The following SYCP2L variants were observed in gnomAD, a reference collection of about 807,000 sequenced individuals.
SYCP2L encodes the protein synaptonemal complex protein 2-like.
A neutral mutation model predicts 125.8 loss-of-function variants in SYCP2L; 98 were observed. The ratio of observed to expected loss-of-function variants is 0.78; its 90% CI spans 0.66 to 0.92. The LOEUF (loss-of-function observed/expected upper bound fraction) is 0.92. SYCP2L is among the 40% of genes least tolerant of loss of function. The pLI is 0.00. For missense variants in SYCP2L, 842 were observed against 936.4 expected (o/e 0.90, Z 1.32); for synonymous variants, 317 against 325.4 (o/e 0.97, Z 0.28).
Position 10,902,859 on chromosome 6 carries a change from TCTC to T in SYCP2L, c.553-15_553-13del. The T allele has an allele frequency of 6.2e-7, 1 of 1,613,846 alleles. No homozygotes were observed. Among genetic ancestry groups the T allele is most frequent in the Non-Finnish European group, 8.5e-7 (1 of 1,179,816 alleles). ...TTTTCTTTCTTCTCCATGAATGTCT[TCTC>T]AATTCCAAAAAGGGCTTGAAGACTT... On this transcript the variant is annotated splice_polypyrimidine_tract_variant and intron_variant, in intron 7 of 29. Transcript: ENST00000283141.
intron 23 of SYCP2L, among the ~76,000 whole-genome samples, chr6:10,947,256 C>T (rs1052745203): frequency 3.3e-5 from 5 of 151,924 alleles, no homozygotes; most frequent in African/African-American, 1.2e-4. Flanking sequence ...TCAAAGTTGA[C>T]TTTAGTTGTT....
chr6:10,956,848 A>G (rs979295984), intron 25 of SYCP2L, among the ~76,000 whole-genome samples: 48 of 152,064 alleles, frequency 3.2e-4, no homozygotes, highest in African/African-American at 1.2e-3. Flanking sequence ...TTTTTTAGAG[A>G]TAGGATCTTG....
intron 23 of SYCP2L, among the ~76,000 whole-genome samples, chr6:10,944,915 T>C (rs752676100): frequency 6.6e-6 from 1 of 152,168 alleles, no homozygotes; most frequent in Non-Finnish European, 1.5e-5. Flanking sequence ...GGTTTCGCCA[T>C]GTTGGCCAGG....
chr6:10,963,936 G>T, intron 29 of SYCP2L, 93 bp downstream of exon 29: 1 of 900,612 alleles, frequency 1.1e-6, no homozygotes, highest in Non-Finnish European at 1.7e-6. Context: ...TTGTTCATAT[G>T]ACATTTCTGC....
chr6:10,929,780 C>CAA (rs543540895), intron 18 of SYCP2L, among the ~76,000 whole-genome samples: 4 of 141,352 alleles, frequency 2.8e-5, no homozygotes, highest in East Asian at 2.0e-4. Flanking sequence ...AGTAAAAGTA[C>CAA]AAAAAAAAAA....
intron 14 of SYCP2L, among the ~76,000 whole-genome samples, chr6:10,914,180 G>A (rs1158515738): frequency 3.3e-5 from 5 of 152,060 alleles, no homozygotes; most frequent in Admixed American, 6.6e-5. Context: ...TCCTTCATCC[G>A]TCTTGAGTTG....
At chr6:10,900,279 C>T (rs1181088950) in intron 6 of SYCP2L, among the ~76,000 whole-genome samples, 3 of 151,642 alleles carry the variant, frequency 2.0e-5, no homozygotes, top group Non-Finnish European at 4.4e-5. Context: ...ACATGGTGGG[C>T]AGAGACCTGG....
In SYCP2L at chr6:10,927,324, A is replaced by G. The variant is rs1780914701; in HGVS notation, c.1397A>G (p.Gln466Arg). The stretch of plus-strand genomic sequence containing the variant: ...CTAATAACTCTCCACTTAAATGACC[A>G]ATCTGAGCCACCTGTTATTGGGGAA... ...RCLITLHLND[Q>R]SEPPVIGEPA... is the part of the protein sequence containing the mutation. Residue 466 changes from glutamine (Q) to arginine (R), a missense_variant, in exon 17 of 30, where the codon CAA (glutamine) becomes CGA (arginine). Coordinates refer to ENST00000283141, the MANE Select transcript of SYCP2L (RefSeq NM_001040274.3). The G allele has an allele frequency of 1.2e-6, 2 of 1,613,992 alleles. No individual in the cohort carries two copies. Among genetic ancestry groups the G allele is most frequent in the African/African-American group, 2.7e-5 (2 of 74,932 alleles).
chr6:10,887,070 C>G lies in SYCP2L; in HGVS notation c.-57C>G. 6.2e-7 allele frequency: 1 copy of G among 1,612,554 alleles called. No individual in the cohort carries two copies. The highest frequency in any genetic ancestry group is 8.5e-7 in the Non-Finnish European group (1 of 1,179,102). ...CTTGGGCGGGGAAGCAGGAGAGGGC[C>G]GACCGAGCGCAACAAAGCTGAGCGG... On this transcript the variant is annotated 5_prime_UTR_variant, in exon 1 of 30. Coordinates refer to ENST00000283141, the MANE Select transcript of SYCP2L (RefSeq NM_001040274.3).
Position 10,956,244 on chromosome 6 carries a change from TA to T in SYCP2L, c.2163+3del. ...AAAAAACGGAAAAGAAAATATGAGGTAGTAGTCCACAAAACTTAAAAAACTA... is the reference window on the plus strand; with the variant it reads ...AAAAAACGGAAAAGAAAATATGAGGTGTAGTCCACAAAACTTAAAAAACTA... On this transcript the variant is annotated splice_donor_region_variant and intron_variant, in intron 25 of 29. Transcript: ENST00000283141. The T allele has an allele frequency of 6.2e-7, 1 of 1,604,114 alleles. No homozygotes were observed. The highest frequency in any genetic ancestry group is 1.7e-4 in the Middle Eastern group (1 of 5,978).
chr6:10,918,524 G>A (rs1001650229), intron 14 of SYCP2L, among the ~76,000 whole-genome samples: 4 of 148,732 alleles, frequency 2.7e-5, no homozygotes, highest in African/African-American at 7.3e-5. Context: ...CCTTGTCTTC[G>A]GGCTCTGACT....
At position 10,935,165 on chromosome 6, in the gene SYCP2L, T is replaced by C. The variant is rs1170461560; in HGVS notation, c.1791T>C (p.Ala597=). 1.9e-6 allele frequency: 3 copies of C among 1,612,706 alleles called. No homozygotes were observed. In the African/African-American group the frequency reaches 4.0e-5, roughly 22 times the overall value. ...AAGATAGTTTTGCTTTTTTGACTGC[T>C]GAAGATTCTGCCCAGAAAACAGGTA... The part of the protein sequence containing the change: ...KFQDSFAFLT[A]EDSAQKTELQ... Residue 597 remains alanine, a synonymous_variant, in exon 21 of 30, where the codon GCT becomes GCC. Transcript: ENST00000283141.
rs977778054 is a variant in SYCP2L at position 10,940,224 on chromosome 6, C to T, written c.1814-2235C>T. On this transcript the variant is annotated intron_variant, in intron 21 of 29. Transcript: ENST00000283141. ...GTATGGAGAGAAGGGAACAATTGTA[C>T]GCTGTTGGTGAGAATGTAAACTGAT... Among the ~76,000 whole-genome samples the T allele has an allele frequency of 1.2e-4, 18 of 152,212 alleles. No individual in the cohort carries two copies. The South Asian group carries it at 1.2e-3, about 11-fold the overall frequency.
chr6:10,910,819 T>G lies in SYCP2L; in HGVS notation c.873-5T>G. 1 of 1,614,098 alleles carries G rather than the reference T, an allele frequency of 6.2e-7. No individual in the cohort carries two copies. The highest frequency in any genetic ancestry group is 8.5e-7 in the Non-Finnish European group (1 of 1,179,954). The stretch of plus-strand genomic sequence containing the variant: ...TTATTTTTTTAATTGTGAGGTATTT[T>G]GCAGGGTGTATTCATTTCCGTGTAT... On this transcript the variant is annotated splice_region_variant and splice_polypyrimidine_tract_variant and intron_variant, in intron 11 of 29. Transcript: ENST00000283141.
chr6:10,897,586 A>AT (rs1581815995), intron 4 of SYCP2L, among the ~76,000 whole-genome samples: 1 of 151,916 alleles, frequency 6.6e-6, no homozygotes, highest in Non-Finnish European at 1.5e-5. Context: ...TAATTTTTAT[A>AT]TTTTTTGTAG....
chr6:10,928,463 A>C lies in SYCP2L; in HGVS notation c.1488+13A>C. 6.3e-7 allele frequency: 1 copy of C among 1,578,000 alleles called. No homozygotes were observed. Among genetic ancestry groups the C allele is most frequent in the Non-Finnish European group, 8.6e-7 (1 of 1,164,402 alleles). ...CCCGCAACAACCTGTGAGTACAGGG[A>C]GTGGGGCTCAAGTTTCTTATCTGTC... On this transcript the variant is annotated intron_variant, in intron 18 of 29. Transcript: ENST00000283141.
intron 28 of SYCP2L, among the ~76,000 whole-genome samples, chr6:10,962,599 A>G (rs1206423932): frequency 6.6e-6 from 1 of 152,130 alleles, no homozygotes; most frequent in Non-Finnish European, 1.5e-5. Context: ...TATTTTTCAT[A>G]TTAAAAATTG....
At chr6:10,959,490 CTG>C (rs1488665937) in intron 26 of SYCP2L, among the ~76,000 whole-genome samples, 2 of 152,192 alleles carry the variant, frequency 1.3e-5, no homozygotes, top group Middle Eastern at 3.2e-3. Flanking sequence ...TTACAAAACA[CTG>C]TGAATGTACT....
chr6:10,932,621 G>C (rs1453561572), intron 20 of SYCP2L, among the ~76,000 whole-genome samples: 1 of 152,154 alleles, frequency 6.6e-6, no homozygotes, highest in Non-Finnish European at 1.5e-5. Flanking sequence ...AAACCTATGA[G>C]CCAGAGTAAG....
Sources: gnomAD v4.1 joint callset for allele counts (sites outside exome capture counted in the v4.1 genomes callset) on GRCh38, gnomAD v4.1.1 for gene constraint, MANE v1.5 for transcripts, NCBI Gene and HGNC (gene_info 2026-07-23, HGNC 2026-07-21) for gene names.